The following OPCML variants were observed in gnomAD, a reference collection of about 807,000 sequenced individuals.
OPCML encodes opioid-binding protein/cell adhesion molecule.
A neutral mutation model predicts 37.8 loss-of-function variants in OPCML; 13 were observed. That is an observed-to-expected ratio of 0.34 (90% CI 0.22 to 0.55). The LOEUF (loss-of-function observed/expected upper bound fraction) is 0.55, where lower values mean the gene tolerates loss of function less well. Among genes scored for constraint, OPCML ranks in the 20% least tolerant of loss-of-function variants. The probability of loss-of-function intolerance (pLI) is 0.91; values close to 1 mark genes in which losing one functional copy is unlikely to be tolerated. For synonymous variants in OPCML, 176 were observed against 168.8 expected, an observed-to-expected ratio of 1.04 and a Z score of -0.33; for missense variants, 341 against 435.6, an observed-to-expected ratio of 0.78 and a Z score of 1.93.
intron 1 of OPCML, among the ~76,000 whole-genome samples, chr11:133,082,776 C>A (rs1471322329): frequency 6.8e-6 from 1 of 147,774 alleles, no homozygotes; most frequent in African/African-American, 2.5e-5. Context: ...GCGCGGCCTC[C>A]CCGCCCCGGC....
chr11:132,514,804 G>A (rs1356864395), intron 4 of OPCML, among the ~76,000 whole-genome samples: 1 of 152,100 alleles, frequency 6.6e-6, no homozygotes, highest in African/African-American at 2.4e-5. Flanking sequence ...AGAGGAGTGG[G>A]TAGGGTTCCA....
chr11:133,264,933 G>C (rs1306815417), intron 1 of OPCML, among the ~76,000 whole-genome samples: 1 of 152,176 alleles, frequency 6.6e-6, no homozygotes, highest in African/African-American at 2.4e-5. Context: ...CACCTTTACA[G>C]GTTTAGTGGT....
chr11:133,434,109 A>C (rs1178490268), intron 1 of OPCML, among the ~76,000 whole-genome samples: 1 of 152,226 alleles, frequency 6.6e-6, no homozygotes, highest in African/African-American at 2.4e-5. Flanking sequence ...TTTCCAAAAA[A>C]AGGAAAGCAT....
At chr11:133,376,531 G>A (rs1009940174) in intron 1 of OPCML, among the ~76,000 whole-genome samples, 2 of 152,164 alleles carry the variant, frequency 1.3e-5, no homozygotes, top group African/African-American at 4.8e-5. Context: ...TACATACTAT[G>A]TAGACATGTG....
At chr11:133,151,410 T>TG (rs1304703940) in intron 1 of OPCML, among the ~76,000 whole-genome samples, 1 of 151,592 alleles carries the variant, frequency 6.6e-6, no homozygotes, top group Admixed American at 6.6e-5. Flanking sequence ...CTGCTGGAGA[T>TG]GCAGGAAGAT....
chr11:132,533,989 A>T (rs1452573253), intron 3 of OPCML, among the ~76,000 whole-genome samples: 2 of 152,210 alleles, frequency 1.3e-5, no homozygotes, highest in Non-Finnish European at 2.9e-5. Context: ...ACATGCAGTA[A>T]CATCTTCTTT....
intron 1 of OPCML, among the ~76,000 whole-genome samples, chr11:133,048,211 T>C (rs1406371746): frequency 6.6e-6 from 1 of 152,188 alleles, no homozygotes; most frequent in Non-Finnish European, 1.5e-5. Flanking sequence ...AATTAATGCA[T>C]GTTAATTTTT....
chr11:133,377,730 A>C (rs560556019), intron 1 of OPCML, among the ~76,000 whole-genome samples: 3 of 151,990 alleles, frequency 2.0e-5, no homozygotes, highest in Non-Finnish European at 2.9e-5. Context: ...TACTCCCCAC[A>C]GTCACCTCAG....
chr11:133,332,120 AT>A (rs1943632751), intron 1 of OPCML, among the ~76,000 whole-genome samples: 1 of 152,092 alleles, frequency 6.6e-6, no homozygotes, highest in Non-Finnish European at 1.5e-5. Context: ...AGGTTTTGTA[AT>A]TCTCATTGTA....
At chr11:133,086,173 C>T (rs1948816333) in intron 1 of OPCML, among the ~76,000 whole-genome samples, 1 of 152,194 alleles carries the variant, frequency 6.6e-6, no homozygotes, top group South Asian at 2.1e-4. Context: ...ATCTGCCTTG[C>T]TCTGATGGTT....
intron 1 of OPCML, among the ~76,000 whole-genome samples, chr11:133,498,425 C>T (rs1947831495): frequency 6.6e-6 from 1 of 152,090 alleles, no homozygotes; most frequent in African/African-American, 2.4e-5. Flanking sequence ...CAGACGAGAC[C>T]CAGAAGAGTC....
At position 133,256,639 on chromosome 11, in the gene OPCML, TGTAG is replaced by T. The variant is rs561409703; in HGVS notation, c.61+275621_61+275624del. Among the ~76,000 whole-genome samples the T allele has an allele frequency of 3.3e-3, 500 of 152,340 alleles. 3 individuals carry two copies. Among genetic ancestry groups the T allele is most frequent in the African/African-American group, 0.012 (481 of 41,582 alleles). Reference sequence around the variant, plus strand: ...AAGTTATTCATTTATTACAATTTAGTGTAGACTAAGAGGTTCTGTGTTCTTTTTC... The same window carrying T: ...AAGTTATTCATTTATTACAATTTAGTACTAAGAGGTTCTGTGTTCTTTTTC... On this transcript the variant is annotated intron_variant, in intron 1 of 7. Coordinates refer to ENST00000524381, the MANE Select transcript of OPCML (RefSeq NM_001012393.5).
At chr11:133,382,857 T>G (rs933057577) in intron 1 of OPCML, among the ~76,000 whole-genome samples, 1 of 150,926 alleles carries the variant, frequency 6.6e-6, no homozygotes, top group African/African-American at 2.4e-5. Context: ...ATGAAAGGAG[T>G]TTTTAAAACT....
chr11:132,478,453 C>T lies in OPCML; in HGVS notation c.506-41094G>A, dbSNP rs1396685556. ...AAGAACAGGAAGACAAGTGAAGAGA[C>T]AGATAACGGGATACACAACACATCC... On this transcript the variant is annotated intron_variant, in intron 4 of 7. Coordinates refer to ENST00000524381, the MANE Select transcript of OPCML (RefSeq NM_001012393.5). Among the ~76,000 whole-genome samples, 3 of 152,250 alleles carry T rather than the reference C, an allele frequency of 2.0e-5. No homozygotes were observed. The East Asian group carries it at 5.8e-4, about 29-fold the overall frequency.
intron 1 of OPCML, among the ~76,000 whole-genome samples, chr11:132,962,647 T>C (rs1303598368): frequency 6.6e-6 from 1 of 152,214 alleles, no homozygotes; most frequent in Non-Finnish European, 1.5e-5. Flanking sequence ...AGTCTGTGTT[T>C]AAAACCATGT....
At chr11:133,273,987 A>T (rs770693982) in intron 1 of OPCML, among the ~76,000 whole-genome samples, 7 of 152,216 alleles carry the variant, frequency 4.6e-5, no homozygotes, top group Admixed American at 6.5e-5. Flanking sequence ...ACTATTATAC[A>T]TGTAATATAC....
intron 2 of OPCML, among the ~76,000 whole-genome samples, chr11:132,759,061 T>C (rs576295727): frequency 6.6e-6 from 1 of 152,358 alleles, no homozygotes; most frequent in African/African-American, 2.4e-5. Flanking sequence ...GAAATAATCA[T>C]GTGGTTTTGT....
chr11:133,455,263 T>C (rs1212946228), intron 1 of OPCML, among the ~76,000 whole-genome samples: 3 of 152,220 alleles, frequency 2.0e-5, no homozygotes, highest in African/African-American at 7.2e-5. Flanking sequence ...TTAGTCTTCT[T>C]AGAACAGAAA....
intron 4 of OPCML, among the ~76,000 whole-genome samples, chr11:132,525,356 T>C (rs2096305279): frequency 6.6e-6 from 1 of 152,226 alleles, no homozygotes; most frequent in African/African-American, 2.4e-5. Context: ...ATTAAAATAT[T>C]TTTCTTAAAT....
Sources: allele counts gnomAD v4.1 joint callset (sites outside exome capture counted in the v4.1 genomes callset), GRCh38; gene constraint gnomAD v4.1.1; transcripts MANE v1.5; gene names NCBI Gene and HGNC (gene_info 2026-07-23, HGNC 2026-07-21).